The following FILIP1L variants were observed in gnomAD, a reference collection of about 807,000 sequenced individuals.
FILIP1L encodes the protein filamin A-interacting protein 1-like.
A neutral mutation model predicts 96.6 loss-of-function variants in FILIP1L; 55 were observed. The ratio of observed to expected loss-of-function variants is 0.57; its 90% confidence interval spans 0.46 to 0.71. FILIP1L has a LOEUF of 0.71. Among genes scored for constraint, FILIP1L ranks in the 30% least tolerant of loss-of-function variants. FILIP1L has a pLI of 0.00. For missense variants in FILIP1L, 1,304 were observed against 1,321.2 expected, an observed-to-expected ratio of 0.99 and a Z score of 0.20; for synonymous variants, 467 against 473.9, an observed-to-expected ratio of 0.99 and a Z score of 0.19.
intron 4 of FILIP1L, among the ~76,000 whole-genome samples, chr3:99,905,160 G>A (rs2107632241): frequency 6.6e-6 from 1 of 152,278 alleles, no homozygotes; most frequent in East Asian, 1.9e-4. Context: ...CCCTTTGAAT[G>A]TAGGCATTTG....
chr3:99,992,010 G>A (rs1204043789), intron 1 of FILIP1L, among the ~76,000 whole-genome samples: 3 of 148,050 alleles, frequency 2.0e-5, no homozygotes, highest in Non-Finnish European at 3.0e-5. Context: ...ATATGTGTGT[G>A]TGTATATATA....
At chr3:100,046,161 A>G (rs1485306489) in intron 1 of FILIP1L, among the ~76,000 whole-genome samples, 1 of 152,174 alleles carries the variant, frequency 6.6e-6, no homozygotes, top group Non-Finnish European at 1.5e-5. Flanking sequence ...GGCTCATCAA[A>G]TTTCCCAGGG....
At chr3:99,924,111 A>G (rs1707211098) in intron 4 of FILIP1L, 119 bp downstream of exon 4, 2 of 832,490 alleles carry the variant, frequency 2.4e-6, no homozygotes, top group African/African-American at 3.4e-5. Context: ...CTCACCCTGG[A>G]CTATGAGATC....
intron 4 of FILIP1L, among the ~76,000 whole-genome samples, chr3:99,881,803 G>A (rs1028742857): frequency 2.0e-5 from 3 of 152,132 alleles, no homozygotes; most frequent in African/African-American, 7.2e-5. Flanking sequence ...AAAGTGCTGG[G>A]ATTATAGGCG....
chr3:99,915,885 A>G (rs1471167229), intron 4 of FILIP1L, among the ~76,000 whole-genome samples: 2 of 152,238 alleles, frequency 1.3e-5, no homozygotes, highest in Non-Finnish European at 2.9e-5. Context: ...TAATTGTCAC[A>G]TTATTAGAAC....
intron 1 of FILIP1L, among the ~76,000 whole-genome samples, chr3:100,096,576 T>A (rs560259181): frequency 1.3e-4 from 19 of 151,526 alleles, no homozygotes; most frequent in Middle Eastern, 3.4e-3. Flanking sequence ...ATTGAACACA[T>A]GTTGATGGAG....
At chr3:99,845,103 G>A (rs1450245862) in intron 5 of FILIP1L, among the ~76,000 whole-genome samples, 2 of 152,154 alleles carry the variant, frequency 1.3e-5, no homozygotes, top group South Asian at 2.1e-4. Flanking sequence ...TACAAAGAGT[G>A]TATGTAATTT....
At chr3:99,998,394 G>C (rs1448562433) in intron 1 of FILIP1L, among the ~76,000 whole-genome samples, 1 of 152,086 alleles carries the variant, frequency 6.6e-6, no homozygotes, top group Non-Finnish European at 1.5e-5. Flanking sequence ...TTAAATGTTT[G>C]TATACCAACA....
chr3:99,884,826 T>TAC (rs1705841530), intron 4 of FILIP1L, among the ~76,000 whole-genome samples: 3 of 152,230 alleles, frequency 2.0e-5, no homozygotes, highest in Non-Finnish European at 1.5e-5. Flanking sequence ...TTTACAGGTA[T>TAC]AGATTTTGGT....
intron 4 of FILIP1L, among the ~76,000 whole-genome samples, chr3:99,856,905 C>T (rs1226163556): frequency 6.6e-6 from 1 of 152,032 alleles, no homozygotes; most frequent in African/African-American, 2.4e-5. Flanking sequence ...GCTATAATAC[C>T]AGTCATACCC....
At chr3:100,055,179 G>A (rs897208040) in intron 1 of FILIP1L, among the ~76,000 whole-genome samples, 2 of 152,056 alleles carry the variant, frequency 1.3e-5, no homozygotes, top group East Asian at 1.9e-4. Context: ...AGTTCTCCTC[G>A]TCCTACTCTT....
chr3:99,873,901 A>G (rs1269676283), intron 4 of FILIP1L, among the ~76,000 whole-genome samples: 1 of 152,212 alleles, frequency 6.6e-6, no homozygotes, highest in Non-Finnish European at 1.5e-5. Flanking sequence ...CTAAGCATAA[A>G]ATTATTATGT....
chr3:99,911,198 T>A (rs1357280072), intron 4 of FILIP1L, among the ~76,000 whole-genome samples: 7 of 152,064 alleles, frequency 4.6e-5, no homozygotes, highest in African/African-American at 1.7e-4. Context: ...TCTTCAATCC[T>A]ATTTGGCTGT....
In FILIP1L at chr3:100,114,222, A is replaced by G. The variant is rs1157281231; in HGVS notation, c.-180T>C. On this transcript the variant is annotated 5_prime_UTR_variant, in exon 1 of 6. Transcript: ENST00000477258. Reference sequence around the variant, plus strand: ...TGAAAGCCACCGAGAGTTTGCAACCAGGGGCCAGTGATAGCTCTGCAAAGG... The same window carrying G: ...TGAAAGCCACCGAGAGTTTGCAACCGGGGGCCAGTGATAGCTCTGCAAAGG... The G allele has an allele frequency of 6.6e-6, 1 of 151,546 alleles. No individual in the cohort carries two copies. Among genetic ancestry groups the G allele is most frequent in the African/African-American group, 2.4e-5 (1 of 41,224 alleles). 9.4% of individuals were successfully genotyped at this position (151,546 alleles called of 1,614,324 possible).
At chr3:99,961,440 G>T (rs1480060405) in intron 1 of FILIP1L, among the ~76,000 whole-genome samples, 1 of 152,074 alleles carries the variant, frequency 6.6e-6, no homozygotes, top group Non-Finnish European at 1.5e-5. Flanking sequence ...ATACCCAGGA[G>T]CCCAGAAGTA....
At chr3:99,992,554 T>A (rs1339371238) in intron 1 of FILIP1L, among the ~76,000 whole-genome samples, 1 of 152,156 alleles carries the variant, frequency 6.6e-6, no homozygotes, top group African/African-American at 2.4e-5. Flanking sequence ...CCTTGTAGAT[T>A]CTGGTTATTA....
intron 4 of FILIP1L, among the ~76,000 whole-genome samples, chr3:99,893,777 T>C (rs1706166040): frequency 6.6e-6 from 1 of 152,224 alleles, no homozygotes; most frequent in Non-Finnish European, 1.5e-5. Context: ...TTGAGAATGA[T>C]TTTTGTTTGC....
chr3:99,937,478 A>G (rs546414214), intron 1 of FILIP1L, among the ~76,000 whole-genome samples: 3 of 152,386 alleles, frequency 2.0e-5, no homozygotes, highest in African/African-American at 7.2e-5. Flanking sequence ...TAGAAAGAGT[A>G]TGAGATTGTG....
chr3:99,934,938 G>A (rs1424068660), intron 1 of FILIP1L, among the ~76,000 whole-genome samples: 1 of 152,196 alleles, frequency 6.6e-6, no homozygotes, highest in African/African-American at 2.4e-5. Context: ...GATTAATGAA[G>A]TGGTGTTCAC....
Sources: gnomAD v4.1 joint callset for allele counts (sites outside exome capture counted in the v4.1 genomes callset) on GRCh38, gnomAD v4.1.1 for gene constraint, MANE v1.5 for transcripts, NCBI Gene and HGNC (gene_info 2026-07-23, HGNC 2026-07-21) for gene names.